AOAH: variants seen among roughly 807,000 people sequenced by gnomAD.
AOAH encodes the protein acyloxyacyl hydrolase (neutrophil).
In AOAH, 64 loss-of-function variants were observed where a neutral mutation model predicts 92.2. That is an observed-to-expected ratio of 0.69 (90% CI 0.57 to 0.86). The LOEUF is 0.86. AOAH is among the 40% of genes least tolerant of loss of function. The probability of loss-of-function intolerance (pLI) is 0.00; values close to 1 mark genes in which losing one functional copy is unlikely to be tolerated. For synonymous variants in AOAH, 263 were observed against 254.5 expected (o/e 1.03, Z -0.32); for missense variants, 656 against 694.6 (o/e 0.94, Z 0.62).
At chr7:36,584,431 T>C (rs999383118) in intron 12 of AOAH, among the ~76,000 whole-genome samples, 1 of 152,252 alleles carries the variant, frequency 6.6e-6, no homozygotes, top group Non-Finnish European at 1.5e-5. Context: ...TTAATCTGGG[T>C]TGCAAAATTA....
rs147199861 is a variant in AOAH, at chr7:36,530,229, A to G, written c.1522+189T>C. Among the ~76,000 whole-genome samples the G allele has an allele frequency of 4.6e-5, 7 of 152,272 alleles. No homozygotes were observed. The East Asian group carries it at 1.4e-3, about 29-fold the overall frequency. ...AAGTACAGAGGTAATGCTGAACCCA[A>G]CTTTTTCAGAAAAAGTCCCACATTT... On this transcript the variant is annotated intron_variant, in intron 19 of 20. Transcript: ENST00000617537.
chr7:36,699,256 G>T (rs540910348), intron 1 of AOAH, among the ~76,000 whole-genome samples: 67 of 152,178 alleles, frequency 4.4e-4, no homozygotes, highest in African/African-American at 1.5e-3. Flanking sequence ...AAATGGTGCT[G>T]CAGTAAACAT....
intron 13 of AOAH, among the ~76,000 whole-genome samples, chr7:36,555,695 C>A (rs1195645916): frequency 1.3e-5 from 2 of 152,276 alleles, no homozygotes; most frequent in African/African-American, 4.8e-5. Flanking sequence ...GATTCAACTT[C>A]TTCCTGGTTT....
At chr7:36,564,511 G>A (rs779742454) in intron 13 of AOAH, among the ~76,000 whole-genome samples, 1 of 152,132 alleles carries the variant, frequency 6.6e-6, no homozygotes, top group Non-Finnish European at 1.5e-5. Flanking sequence ...GAAGACCAGA[G>A]GTAAAAGCCT....
intron 1 of AOAH, among the ~76,000 whole-genome samples, chr7:36,689,906 G>A (rs150786637): frequency 1.4e-3 from 220 of 152,326 alleles, no homozygotes; most frequent in African/African-American, 5.2e-3. Context: ...AGGGCATAAG[G>A]TGACCTTTCC....
At chr7:36,668,782 C>T (rs1476313632) in intron 3 of AOAH, among the ~76,000 whole-genome samples, 1 of 152,248 alleles carries the variant, frequency 6.6e-6, no homozygotes, top group Admixed American at 6.5e-5. Flanking sequence ...CCATCACACC[C>T]AGCCCTGATC....
chr7:36,621,298 A>G (rs1792261271), intron 8 of AOAH, among the ~76,000 whole-genome samples: 2 of 152,200 alleles, frequency 1.3e-5, no homozygotes, highest in South Asian at 4.1e-4. Context: ...CATGTTTTCC[A>G]TTCATTAGAG....
intron 1 of AOAH, among the ~76,000 whole-genome samples, chr7:36,698,381 AT>A (rs1411119224): frequency 6.6e-6 from 1 of 151,950 alleles, no homozygotes; most frequent in African/African-American, 2.4e-5. Context: ...AAAGGACTAT[AT>A]TTTGGTTTCA....
chr7:36,551,924 C>T (rs1220677007), intron 13 of AOAH, among the ~76,000 whole-genome samples: 1 of 152,052 alleles, frequency 6.6e-6, no homozygotes, highest in Admixed American at 6.6e-5. Flanking sequence ...TCAACTTTTA[C>T]TTTTGATTCA....
At chr7:36,662,097 C>T (rs1239156824) in intron 3 of AOAH, among the ~76,000 whole-genome samples, 1 of 152,108 alleles carries the variant, frequency 6.6e-6, no homozygotes, top group Non-Finnish European at 1.5e-5. Flanking sequence ...TGCGCACCTT[C>T]CAGTAGAAAG....
chr7:36,577,420 C>T (rs1025134556), intron 12 of AOAH, among the ~76,000 whole-genome samples: 1 of 152,138 alleles, frequency 6.6e-6, no homozygotes. Context: ...CTGGAAGGAG[C>T]CTGGATCCCT....
intron 4 of AOAH, among the ~76,000 whole-genome samples, chr7:36,643,509 C>G (rs1217799026): frequency 6.6e-6 from 1 of 152,138 alleles, no homozygotes; most frequent in Non-Finnish European, 1.5e-5. Flanking sequence ...GAAATTCATG[C>G]AACCCAGGCA....
intron 19 of AOAH, among the ~76,000 whole-genome samples, chr7:36,524,516 A>C (rs149872176): frequency 5.8e-5 from 8 of 137,906 alleles, no homozygotes; most frequent in South Asian, 4.8e-4. Flanking sequence ...AAAAAAAAAA[A>C]CAAAAAAAAA....
chr7:36,594,644 G>A (rs753914464), intron 11 of AOAH: 18 of 613,066 alleles, frequency 2.9e-5, no homozygotes, highest in Admixed American at 7.7e-5. Flanking sequence ...CCTGGCTTCC[G>A]CTCAGCTCTT....
chr7:36,600,554 G>T (rs1790487814), intron 11 of AOAH, among the ~76,000 whole-genome samples: 1 of 152,064 alleles, frequency 6.6e-6, no homozygotes, highest in Non-Finnish European at 1.5e-5. Context: ...GCACACCACT[G>T]CTTGGGATGA....
intron 3 of AOAH, among the ~76,000 whole-genome samples, chr7:36,665,177 G>A (rs997726113): frequency 6.7e-6 from 1 of 149,432 alleles, no homozygotes; most frequent in Non-Finnish European, 1.5e-5. Flanking sequence ...TCATGAACAT[G>A]GAACACCTTT....
chr7:36,601,376 G>A (rs1790573469), intron 11 of AOAH, among the ~76,000 whole-genome samples: 1 of 147,964 alleles, frequency 6.8e-6, no homozygotes, highest in African/African-American at 2.5e-5. Flanking sequence ...GGAGAGGGGG[G>A]AAGGGGAGGG....
rs372983870 is a variant in AOAH at position 36,515,686 on chromosome 7, CACACACAT to C, written c.1600-2314_1600-2307del. ...CCACACCCCTCACAACCCCACACCACACACACATAATCACACACCCCCCCACACACCAC... is the reference window on the plus strand; with the variant it reads ...CCACACCCCTCACAACCCCACACCACAATCACACACCCCCCCACACACCAC... On this transcript the variant is annotated intron_variant, in intron 20 of 20. Coordinates refer to ENST00000617537, the MANE Select transcript of AOAH (RefSeq NM_001637.4). Among the ~76,000 whole-genome samples the C allele has an allele frequency of 7.7e-3, 985 of 128,562 alleles. 15 individuals are homozygous for C. The highest frequency in any genetic ancestry group is 0.03 in the African/African-American group (931 of 31,468). The allele number at this position is 128,562 out of a possible 152,430, so 84.3% of individuals were successfully genotyped here. A position where few individuals can be genotyped will look rare whatever the true frequency, so the allele number is the denominator to read the frequency against.
At chr7:36,602,313 C>T (rs1178768402) in intron 11 of AOAH, among the ~76,000 whole-genome samples, 23 of 152,026 alleles carry the variant, frequency 1.5e-4, no homozygotes, top group Admixed American at 1.5e-3. Flanking sequence ...TTATTTATTA[C>T]TTAAGCTCTA....
Sources: gnomAD v4.1 joint callset for allele counts (sites outside exome capture counted in the v4.1 genomes callset) on GRCh38, gnomAD v4.1.1 for gene constraint, MANE v1.5 for transcripts, NCBI Gene and HGNC (gene_info 2026-07-23, HGNC 2026-07-21) for gene names.